CACNA2D3: variants seen among roughly 807,000 people sequenced by gnomAD.
The protein encoded by CACNA2D3 is calcium voltage-gated channel auxiliary subunit alpha2delta 3.
A neutral mutation model predicts 160.6 loss-of-function variants in CACNA2D3; 60 were observed. The ratio of observed to expected loss-of-function variants is 0.37; its 90% CI spans 0.30 to 0.46. The LOEUF (loss-of-function observed/expected upper bound fraction) is 0.46. Ranked by LOEUF, CACNA2D3 falls within the 20% of genes least tolerant of loss-of-function variation. The pLI is 1.00. For synonymous variants in CACNA2D3, 558 were observed against 492.9 expected (o/e 1.13, Z -1.75); for missense variants, 1,205 against 1,365.0 (o/e 0.88, Z 1.85).
Position 54,122,614 on chromosome 3 carries a change from G to A in CACNA2D3, c.-100G>A. 2 of 770,150 alleles carry A rather than the reference G, an allele frequency of 2.6e-6. No individual in the cohort carries two copies. Among genetic ancestry groups the A allele is most frequent in the Non-Finnish European group, 3.1e-6 (2 of 638,186 alleles). The allele number at this position is 770,150 out of a possible 1,614,324, so 47.7% of individuals were successfully genotyped here. ...AGAGGCAGGCGGGGCGGCGCGGAGC[G>A]GAGCAGGCAGCCCCGCGCGCTCGCC... On this transcript the variant is annotated 5_prime_UTR_variant, in exon 1 of 38. Coordinates refer to ENST00000474759, the MANE Select transcript of CACNA2D3 (RefSeq NM_018398.3).
At chr3:54,282,531 T>G (rs1390490536) in intron 2 of CACNA2D3, among the ~76,000 whole-genome samples, 1 of 152,204 alleles carries the variant, frequency 6.6e-6, no homozygotes, top group Non-Finnish European at 1.5e-5. Context: ...GAATGGAAAC[T>G]TAGAAGTCTT....
intron 11 of CACNA2D3, among the ~76,000 whole-genome samples, chr3:54,726,673 C>T (rs1193411154): frequency 6.6e-6 from 1 of 152,178 alleles, no homozygotes; most frequent in Admixed American, 6.5e-5. Flanking sequence ...AAAAGATTAC[C>T]TATTTAATAA....
intron 2 of CACNA2D3, among the ~76,000 whole-genome samples, chr3:54,210,876 G>A (rs759510087): frequency 2.0e-5 from 3 of 152,180 alleles, no homozygotes; most frequent in Non-Finnish European, 2.9e-5. Context: ...CTGCCAGGCT[G>A]CATCCTGAGA....
intron 11 of CACNA2D3, among the ~76,000 whole-genome samples, chr3:54,726,508 A>G (rs1327969268): frequency 6.6e-6 from 1 of 152,198 alleles, no homozygotes; most frequent in East Asian, 1.9e-4. Context: ...CTGACTTCAA[A>G]CTATACTACA....
At chr3:54,328,186 G>A (rs1416242063) in intron 3 of CACNA2D3, among the ~76,000 whole-genome samples, 1 of 152,226 alleles carries the variant, frequency 6.6e-6, no homozygotes, top group African/African-American at 2.4e-5. Flanking sequence ...TGTGGTTGGA[G>A]GGGAACTATT....
At chr3:54,502,936 G>A (rs1320465549) in intron 4 of CACNA2D3, among the ~76,000 whole-genome samples, 2 of 152,092 alleles carry the variant, frequency 1.3e-5, no homozygotes, top group Non-Finnish European at 2.9e-5. Flanking sequence ...TTCTTTCTCG[G>A]ATGTTTCCCT....
chr3:54,867,544 G>T (rs1364756034), intron 17 of CACNA2D3, among the ~76,000 whole-genome samples: 3 of 116,482 alleles, frequency 2.6e-5, no homozygotes, highest in East Asian at 3.3e-4. Flanking sequence ...AAAAAAAAAG[G>T]CCTTTAAAAG....
At chr3:54,413,571 A>G (rs79024639) in intron 4 of CACNA2D3, among the ~76,000 whole-genome samples, 8,797 of 151,316 alleles carry the variant, frequency 0.058, 315 homozygotes, top group Middle Eastern at 0.096. Context: ...CTTAAATGAT[A>G]TCTATGTTAC....
intron 4 of CACNA2D3, among the ~76,000 whole-genome samples, chr3:54,394,213 T>G (rs557119312): frequency 6.6e-6 from 1 of 152,018 alleles, no homozygotes; most frequent in South Asian, 2.1e-4. Context: ...GAGTTACAAC[T>G]ACAACCCAGC....
At chr3:54,148,342 C>T (rs116587976) in intron 2 of CACNA2D3, among the ~76,000 whole-genome samples, 2,937 of 152,244 alleles carry the variant, frequency 0.019, 103 homozygotes, top group African/African-American at 0.066. Context: ...GGCTGCAGAC[C>T]CAGGGAGAGG....
In CACNA2D3 at chr3:54,648,470, C is replaced by A. The variant is rs531505848; in HGVS notation, c.1167+6229C>A. On this transcript the variant is annotated intron_variant, in intron 11 of 37. Transcript: ENST00000474759. Reference sequence around the variant, plus strand: ...GTTTCCCACCACTAATCTAAAGGAACCTTTTAAAAATTTAGACCAACCAGC... The same window carrying A: ...GTTTCCCACCACTAATCTAAAGGAAACTTTTAAAAATTTAGACCAACCAGC... 2.0e-5 allele frequency among the ~76,000 whole-genome samples: 3 copies of A among 152,172 alleles called. No individual in the cohort carries two copies. The South Asian group carries it at 6.2e-4, about 32-fold the overall frequency.
At chr3:54,154,484 A>AC (rs1700207211) in intron 2 of CACNA2D3, among the ~76,000 whole-genome samples, 1 of 152,190 alleles carries the variant, frequency 6.6e-6, no homozygotes, top group African/African-American at 2.4e-5. Flanking sequence ...ACTAGCACAT[A>AC]TGTTAAAACA....
intron 11 of CACNA2D3, among the ~76,000 whole-genome samples, chr3:54,740,692 A>T (rs1394535595): frequency 1.3e-5 from 2 of 152,140 alleles, no homozygotes; most frequent in Non-Finnish European, 2.9e-5. Flanking sequence ...TGAGTCCTTG[A>T]CTTTTCTTAC....
chr3:54,459,874 T>G (rs1366205984), intron 4 of CACNA2D3, among the ~76,000 whole-genome samples: 5 of 152,230 alleles, frequency 3.3e-5, no homozygotes, highest in Admixed American at 6.5e-5. Flanking sequence ...TGGTAATGCC[T>G]AGGTTTTCTT....
chr3:54,982,007 T>C (rs1043417081), intron 29 of CACNA2D3, among the ~76,000 whole-genome samples: 15 of 152,232 alleles, frequency 9.9e-5, no homozygotes, highest in Admixed American at 9.2e-4. Flanking sequence ...GCAGTGAAAC[T>C]AAAAAGTTCA....
chr3:54,635,108 T>G (rs1342664788), intron 10 of CACNA2D3, among the ~76,000 whole-genome samples: 2 of 151,982 alleles, frequency 1.3e-5, no homozygotes, highest in East Asian at 3.9e-4. Flanking sequence ...TGAAAGGAGA[T>G]CTTATGGTAA....
Position 54,123,370 on chromosome 3 carries a change from C to A in CACNA2D3, c.123-143C>A, listed in dbSNP as rs565233699. The A allele has an allele frequency of 4.0e-5, 27 of 669,534 alleles. No individual in the cohort carries two copies. In the African/African-American group the frequency reaches 4.5e-4, roughly 11 times the overall value. 41.5% of individuals were successfully genotyped at this position (669,534 alleles called of 1,614,324 possible). A position where few individuals can be genotyped will look rare whatever the true frequency, so the allele number is the denominator to read the frequency against. ...TTGGTGCTGGCAGTTTCTACCAAGC[C>A]GCTTTTTCTATCTTTTCTTCTTTTA... On this transcript the variant is annotated intron_variant, in intron 1 of 37. Coordinates refer to ENST00000474759, the MANE Select transcript of CACNA2D3 (RefSeq NM_018398.3).
chr3:54,700,426 A>T (rs1458746072), intron 11 of CACNA2D3, among the ~76,000 whole-genome samples: 2 of 152,224 alleles, frequency 1.3e-5, no homozygotes, highest in African/African-American at 4.8e-5. Context: ...ACCAAATTAA[A>T]AATTCAATTC....
chr3:54,644,603 C>T (rs576944937), intron 11 of CACNA2D3, among the ~76,000 whole-genome samples: 1 of 152,158 alleles, frequency 6.6e-6, no homozygotes, highest in Non-Finnish European at 1.5e-5. Flanking sequence ...TGACAATCTT[C>T]AAGATTGTAA....
Sources: allele counts gnomAD v4.1 joint callset (sites outside exome capture counted in the v4.1 genomes callset), GRCh38; gene constraint gnomAD v4.1.1; transcripts MANE v1.5; gene names NCBI Gene and HGNC (gene_info 2026-07-23, HGNC 2026-07-21).